The following NRXN1 variants were observed in gnomAD, a reference collection of about 807,000 sequenced individuals.
NRXN1 encodes the protein neurexin 1.
Under a neutral mutation model 150.9 loss-of-function variants are expected in NRXN1, and 39 were observed. The observed-to-expected ratio is 0.26, with a 90% CI of 0.20 to 0.34. NRXN1 has a LOEUF of 0.34. NRXN1 is among the 10% of genes least tolerant of loss of function. The pLI is 1.00. For missense variants in NRXN1, 1,815 were observed against 1,949.9 expected, an observed-to-expected ratio of 0.93 and a Z score of 1.30; for synonymous variants, 924 against 757.0, an observed-to-expected ratio of 1.22 and a Z score of -3.62.
chr2:51,003,432 T>C (rs942018300), intron 2 of NRXN1, among the ~76,000 whole-genome samples: 8 of 152,050 alleles, frequency 5.3e-5, no homozygotes, highest in Non-Finnish European at 8.8e-5. Context: ...AGATAAATTA[T>C]GGTGCCTATT....
intron 21 of NRXN1, among the ~76,000 whole-genome samples, chr2:50,017,599 T>G (rs1265966670): frequency 6.6e-6 from 1 of 151,730 alleles, no homozygotes; most frequent in Non-Finnish European, 1.5e-5. Context: ...TCTGGCTTAC[T>G]TAAAAAGAAG....
At chr2:50,536,845 T>C (rs1016332342) in intron 10 of NRXN1, among the ~76,000 whole-genome samples, 2 of 152,110 alleles carry the variant, frequency 1.3e-5, no homozygotes, top group African/African-American at 4.8e-5. Flanking sequence ...CCATACTAAC[T>C]AAACTATATA....
intron 5 of NRXN1, among the ~76,000 whole-genome samples, chr2:50,791,502 G>A (rs767873592): frequency 5.9e-5 from 9 of 152,076 alleles, no homozygotes; most frequent in South Asian, 4.2e-4. Context: ...TCATCTTCTC[G>A]CCCAGAATCT....
chr2:50,001,520 G>A (rs1309687376), intron 21 of NRXN1, among the ~76,000 whole-genome samples: 1 of 152,078 alleles, frequency 6.6e-6, no homozygotes, highest in Non-Finnish European at 1.5e-5. Flanking sequence ...GATAGACTCT[G>A]GGGCCAAATT....
intron 18 of NRXN1, among the ~76,000 whole-genome samples, chr2:50,180,912 C>G (rs2060669018): frequency 6.6e-6 from 1 of 151,974 alleles, no homozygotes; most frequent in South Asian, 2.1e-4. Context: ...TTTTTAAAAA[C>G]AGTTTTCCAT....
chr2:50,180,697 G>T (rs190072018), intron 18 of NRXN1, among the ~76,000 whole-genome samples: 5 of 152,224 alleles, frequency 3.3e-5, no homozygotes, highest in Admixed American at 2.6e-4. Context: ...GACACCAGAT[G>T]CTGGAGCTTT....
At chr2:50,054,095 C>T (rs946360468) in intron 20 of NRXN1, among the ~76,000 whole-genome samples, 10 of 152,062 alleles carry the variant, frequency 6.6e-5, no homozygotes, top group South Asian at 6.2e-4. Flanking sequence ...TTTTTGAAGG[C>T]AATTATTCAT....
rs1673131500 is a variant in NRXN1, at chr2:50,843,223, G to A, written c.832+78646C>T. 4.6e-5 allele frequency among the ~76,000 whole-genome samples: 7 copies of A among 152,078 alleles called. No homozygotes were observed. In the South Asian group the frequency reaches 1.5e-3, roughly 32 times the overall value. ...TATCCCTATGGCTCTTCTTCCACAA[G>A]CCATTATTCCACAAACAATTAACTC... is the stretch of plus-strand genomic sequence containing the variant. On this transcript the variant is annotated intron_variant, in intron 5 of 22. Transcript: ENST00000401669.
At chr2:50,462,032 C>T (rs762883324) in intron 17 of NRXN1, among the ~76,000 whole-genome samples, 1 of 151,858 alleles carries the variant, frequency 6.6e-6, no homozygotes, top group Non-Finnish European at 1.5e-5. Context: ...GGGGTCAGAC[C>T]ATTGAGGTCC....
At chr2:50,546,348 G>C (rs925703467) in intron 9 of NRXN1, among the ~76,000 whole-genome samples, 2 of 152,108 alleles carry the variant, frequency 1.3e-5, no homozygotes, top group African/African-American at 4.8e-5. Context: ...GCCCCTGTGA[G>C]TTTCTTTTCT....
chr2:50,323,168 T>C (rs1280316009), intron 17 of NRXN1, among the ~76,000 whole-genome samples: 1 of 152,212 alleles, frequency 6.6e-6, no homozygotes, highest in Non-Finnish European at 1.5e-5. Flanking sequence ...CTGTCATTCC[T>C]TGAGTAATAC....
intron 11 of NRXN1, 69 bp downstream of exon 11, chr2:50,531,158 C>T: frequency 1.7e-6 from 2 of 1,192,162 alleles, no homozygotes; most frequent in Non-Finnish European, 2.3e-6. Context: ...GCTACTTGAT[C>T]AATGTTTGCA....
At chr2:50,476,736 AGTCATTT>A (rs778114075) in intron 15 of NRXN1, among the ~76,000 whole-genome samples, 8 of 152,196 alleles carry the variant, frequency 5.3e-5, no homozygotes, top group Non-Finnish European at 1.0e-4. Flanking sequence ...TTTAGTTGAC[AGTCATTT>A]GTGTGCTGAA....
intron 18 of NRXN1, among the ~76,000 whole-genome samples, chr2:50,155,362 G>A (rs975387971): frequency 3.3e-5 from 5 of 150,822 alleles, no homozygotes; most frequent in Non-Finnish European, 5.9e-5. Context: ...TTTGCTTGGG[G>A]CCCTCAGGCA....
rs1693481036 is a variant in NRXN1, at chr2:50,963,163, G to T, written c.773-37208C>A. On this transcript the variant is annotated intron_variant, in intron 2 of 22. Coordinates refer to ENST00000401669, the MANE Select transcript of NRXN1 (RefSeq NM_001330078.2). ...TTGTTCTTTAATCTGACTAGGAATT[G>T]CCTCATTAATCTGCCCATTTTTACT... Among the ~76,000 whole-genome samples, 3 of 151,584 alleles carry T rather than the reference G, an allele frequency of 2.0e-5. No homozygotes were observed. In the Admixed American group the frequency reaches 2.0e-4, roughly 10 times the overall value.
At chr2:50,555,222 A>T (rs780468488) in intron 8 of NRXN1, among the ~76,000 whole-genome samples, 5 of 152,144 alleles carry the variant, frequency 3.3e-5, no homozygotes, top group Non-Finnish European at 7.4e-5. Flanking sequence ...GCTTCTCTTG[A>T]TCAATGCTAA....
intron 21 of NRXN1, among the ~76,000 whole-genome samples, chr2:49,980,380 AT>A (rs1466326124): frequency 2.0e-5 from 3 of 152,118 alleles, no homozygotes; most frequent in African/African-American, 4.8e-5. Context: ...CAGCTTCGGA[AT>A]TCTTCTTTGG....
intron 17 of NRXN1, among the ~76,000 whole-genome samples, chr2:50,248,917 C>A (rs1316521335): frequency 2.0e-5 from 3 of 151,618 alleles, no homozygotes; most frequent in Non-Finnish European, 4.4e-5. Context: ...GAGGCCAAGG[C>A]AGAAGGATTC....
intron 21 of NRXN1, among the ~76,000 whole-genome samples, chr2:49,948,312 AC>A (rs543811751): frequency 1.6e-4 from 24 of 152,100 alleles, no homozygotes; most frequent in Non-Finnish European, 3.1e-4. Context: ...TCTCAGTGTT[AC>A]CTTCTGCAAA....
Sources: allele counts gnomAD v4.1 joint callset (sites outside exome capture counted in the v4.1 genomes callset), GRCh38; gene constraint gnomAD v4.1.1; transcripts MANE v1.5; gene names NCBI Gene and HGNC (gene_info 2026-07-23, HGNC 2026-07-21).